The following GPHN variants were observed in gnomAD, a reference collection of about 807,000 sequenced individuals.
GPHN encodes the protein gephyrin.
GPHN carries 17 observed loss-of-function variants against 95.5 expected under a neutral mutation model. The ratio of observed to expected loss-of-function variants is 0.18; its 90% CI spans 0.12 to 0.27. The LOEUF (loss-of-function observed/expected upper bound fraction) is 0.27. Among genes scored for constraint, GPHN ranks in the 10% least tolerant of loss-of-function variants. The pLI is 1.00. For missense variants in GPHN, 660 were observed against 978.1 expected (o/e 0.67, Z 4.34); for synonymous variants, 320 against 322.5 (o/e 0.99, Z 0.08).
intron 1 of GPHN, among the ~76,000 whole-genome samples, chr14:66,604,702 A>G (rs1329097403): frequency 6.6e-6 from 1 of 152,128 alleles, no homozygotes; most frequent in Non-Finnish European, 1.5e-5. Context: ...ATATTTTAAA[A>G]ATAATTTCTT....
At chr14:67,586,651 T>C in the GPHN span, 9 of 452,522 alleles carry the variant, frequency 2.0e-5, no homozygotes, top group South Asian at 1.6e-4. Context: ...TTCTGATTTA[T>C]TGTTCCTGAC....
chr14:67,647,317 C>T, the GPHN span: 1 of 277,288 alleles, frequency 3.6e-6, no homozygotes. Flanking sequence ...TCAACTGTCC[C>T]ATTCTTCCCA....
chr14:67,662,838 A>G, the GPHN span, among the ~76,000 whole-genome samples: 45 of 148,646 alleles, frequency 3.0e-4, 1 homozygote, highest in African/African-American at 1.1e-3. Flanking sequence ...AGGAGGTGGA[A>G]GTGGCAATGA....
the GPHN span, chr14:67,312,853 T>A: frequency 1.7e-6 from 1 of 603,504 alleles, no homozygotes; most frequent in Non-Finnish European, 2.7e-6. Flanking sequence ...TTTTATGTTG[T>A]ACCTGCAGCG....
intron 16 of GPHN, 36 bp downstream of exon 16, chr14:67,113,207 G>A: frequency 1.3e-6 from 2 of 1,560,946 alleles, no homozygotes; most frequent in Non-Finnish European, 1.8e-6. Context: ...TGGGGAGAGG[G>A]CCCATAAGAT....
the GPHN span, among the ~76,000 whole-genome samples, chr14:67,683,866 TC>T: frequency 2.6e-5 from 4 of 152,240 alleles, no homozygotes; most frequent in Non-Finnish European, 5.9e-5. Context: ...AAAGTCCCTT[TC>T]AACTGCTTTG....
the GPHN span, chr14:67,578,561 C>T: frequency 1.9e-3 from 3,054 of 1,611,548 alleles, 1 homozygote; most frequent in Non-Finnish European, 2.4e-3. The surrounding 1 kb of genome is among the most constrained non-coding windows in gnomAD (Gnocchi z 5.0). Flanking sequence ...TCTGTGTGCT[C>T]CACTTTTCCT....
intron 1 of GPHN, among the ~76,000 whole-genome samples, chr14:66,676,956 A>C (rs1595507274): frequency 1.3e-5 from 2 of 151,930 alleles, no homozygotes; most frequent in Admixed American, 1.3e-4. Flanking sequence ...TTGCCAGTTT[A>C]ATCTCGTTAC....
At chr14:66,525,715 A>G (rs2058665554) in intron 1 of GPHN, among the ~76,000 whole-genome samples, 3 of 152,194 alleles carry the variant, frequency 2.0e-5, no homozygotes, top group Admixed American at 2.0e-4. Flanking sequence ...GCATATGGGT[A>G]GCCAGTTTTA....
chr14:66,525,110 CAA>C (rs1178020952), intron 1 of GPHN, among the ~76,000 whole-genome samples: 4 of 152,106 alleles, frequency 2.6e-5, no homozygotes, highest in African/African-American at 9.7e-5. Flanking sequence ...TTTACACTCC[CAA>C]GAGTGTAAAA....
chr14:66,787,376 A>T (rs1400042827), intron 3 of GPHN, among the ~76,000 whole-genome samples: 1 of 152,162 alleles, frequency 6.6e-6, no homozygotes, highest in African/African-American at 2.4e-5. Flanking sequence ...GTGTTCAAAT[A>T]TTGAAAAATT....
chr14:67,070,715 A>AAAAAAAAATATAT, intron 11 of GPHN, among the ~76,000 whole-genome samples: 1 of 80,740 alleles, frequency 1.2e-5, no homozygotes, highest in Non-Finnish European at 1.9e-5. Context: ...AAAAAAAAAA[A>AAAAAAAAATATAT]ATATATATAT....
Position 67,089,115 on chromosome 14 carries a change from A to ATTT in GPHN, c.1237+47_1237+49dup, listed in dbSNP as rs371624615. 112 of 363,206 alleles carry ATTT rather than the reference A, an allele frequency of 3.1e-4. 1 individual carries two copies. The highest frequency in any genetic ancestry group is 4.5e-4 in the Non-Finnish European group (85 of 186,990). 22.5% of individuals were successfully genotyped at this position (363,206 alleles called of 1,614,324 possible). On this transcript the variant is annotated intron_variant, in intron 12 of 22. Coordinates refer to ENST00000478722, the MANE Select transcript of GPHN (RefSeq NM_020806.5). ...TTTCTTAAACATAATCAGGCACTGT[A>ATTT]TTTTTTTTTCTTTTTTTCTTTTTTT...
chr14:67,315,268 ATTTTTTTTT>A, the GPHN span, among the ~76,000 whole-genome samples: 1 of 101,590 alleles, frequency 9.8e-6, no homozygotes. Flanking sequence ...CTTATTTTTA[ATTTTTTTTT>A]TTTTTTTTTT....
At chr14:67,164,810 ATGAT>A (rs987657164) in intron 19 of GPHN, among the ~76,000 whole-genome samples, 1 of 152,030 alleles carries the variant, frequency 6.6e-6, no homozygotes, top group African/African-American at 2.4e-5. Flanking sequence ...GCTTTTAAGA[ATGAT>A]TGTTGTAAAT....
At chr14:67,228,960 G>T in the GPHN span, among the ~76,000 whole-genome samples, 2 of 152,136 alleles carry the variant, frequency 1.3e-5, no homozygotes, top group African/African-American at 4.8e-5. Context: ...TCCAGAGAAT[G>T]GTTTGACTTT....
intron 1 of GPHN, among the ~76,000 whole-genome samples, chr14:66,660,784 G>A (rs2065597348): frequency 6.6e-6 from 1 of 152,182 alleles, no homozygotes; most frequent in South Asian, 2.1e-4. Flanking sequence ...CACAGAGAAT[G>A]GAGAAGAGCA....
At chr14:67,298,918 A>G in the GPHN span, among the ~76,000 whole-genome samples, 3 of 152,222 alleles carry the variant, frequency 2.0e-5, no homozygotes, top group African/African-American at 4.8e-5. Flanking sequence ...TATAAATGTA[A>G]TAAGACAATA....
intron 4 of GPHN, among the ~76,000 whole-genome samples, chr14:66,879,423 G>T (rs2063824852): frequency 6.6e-6 from 1 of 151,788 alleles, no homozygotes; most frequent in Admixed American, 6.6e-5. Flanking sequence ...TAGGAAGATG[G>T]TAAATGTAGA....
Sources: gnomAD v4.1 joint callset for allele counts (sites outside exome capture counted in the v4.1 genomes callset) on GRCh38, gnomAD v4.1.1 for gene constraint, Gnocchi (gnomAD v3.1) non-coding constraint, MANE v1.5 for transcripts, NCBI Gene and HGNC (gene_info 2026-07-23, HGNC 2026-07-21) for gene names.